Variants in CWH43 observed in about 807,000 individuals in gnomAD.
CWH43 encodes PGAP2-interacting protein.
In CWH43, 91 loss-of-function variants were observed where a neutral mutation model predicts 85.7. The observed-to-expected ratio is 1.06, with a 90% CI of 0.90 to 1.26. CWH43 has a LOEUF of 1.26. Among genes scored for constraint, CWH43 ranks in the 50% most tolerant of loss-of-function variants. The pLI is 0.00. For missense variants in CWH43, 869 were observed against 839.2 expected (o/e 1.04, Z -0.44); for synonymous variants, 323 against 293.6 (o/e 1.10, Z -1.02).
At chr4:49,036,091 G>A (rs1294184487) in intron 12 of CWH43, among the ~76,000 whole-genome samples, 2 of 152,216 alleles carry the variant, frequency 1.3e-5, no homozygotes, top group Non-Finnish European at 2.9e-5. Context: ...CCAGAGCCCA[G>A]TGAGACCCAG....
At chr4:48,991,683 T>G (rs1782664383) in intron 3 of CWH43, 109 bp downstream of exon 3, 25 of 1,277,660 alleles carry the variant, frequency 2.0e-5, no homozygotes, top group Non-Finnish European at 2.6e-5. Flanking sequence ...CATATGGCTT[T>G]GTCAAAGTCT....
chr4:48,992,110 A>T lies in CWH43; in HGVS notation c.511+20A>T, dbSNP rs750054924. ...GCACAGGTAATACTGTAACTTAGGA[A>T]TTTTCTCTTTGCAGAGCTTACCTTT... On this transcript the variant is annotated intron_variant, in intron 4 of 15. Transcript: ENST00000226432. This position sits in a 1 kb window ranked among gnomAD's most constrained non-coding sequence, Gnocchi z 4.3. 3 of 1,598,590 alleles carry T rather than the reference A, an allele frequency of 1.9e-6. No homozygotes were observed. In the South Asian group the frequency reaches 3.4e-5, roughly 18 times the overall value.
intron 8 of CWH43, among the ~76,000 whole-genome samples, chr4:49,012,406 T>TG (rs1713866990): frequency 6.6e-6 from 1 of 152,198 alleles, no homozygotes; most frequent in South Asian, 2.1e-4. Flanking sequence ...TTCCTTGCAA[T>TG]GGGTTAGAAC....
chr4:49,037,393 A>T (rs1577696305), intron 12 of CWH43, among the ~76,000 whole-genome samples: 1 of 152,134 alleles, frequency 6.6e-6, no homozygotes, highest in South Asian at 2.1e-4. Flanking sequence ...AACATGCAAA[A>T]TGCTGTCTCT....
rs1406001483 is a variant in CWH43 at position 48,991,434 on chromosome 4, T to C, written c.236-20T>C. The C allele has an allele frequency of 5.6e-6, 9 of 1,613,448 alleles. 1 individual carries two copies. The Admixed American group carries it at 1.5e-4, about 27-fold the overall frequency. ...TCCATACTTGCCAGAAATGCTTAGC[T>C]CTCCCTATTTTGTTTGTAGGCAGCA... On this transcript the variant is annotated intron_variant, in intron 2 of 15. Transcript: ENST00000226432.
At chr4:49,038,327 A>G in intron 13 of CWH43, 147 bp downstream of exon 13, 1 of 626,234 alleles carries the variant, frequency 1.6e-6, no homozygotes. Context: ...ATGTGAGCTT[A>G]AAACAACAGC....
intron 15 of CWH43, among the ~76,000 whole-genome samples, chr4:49,057,197 A>G (rs1235915218): frequency 2.0e-5 from 3 of 152,224 alleles, no homozygotes; most frequent in Non-Finnish European, 2.9e-5. Context: ...GGAGGTCCTG[A>G]CGACATGTGC....
At chr4:49,014,936 T>G (rs1783492682) in intron 8 of CWH43, among the ~76,000 whole-genome samples, 1 of 152,168 alleles carries the variant, frequency 6.6e-6, no homozygotes, top group African/African-American at 2.4e-5. Flanking sequence ...TTTGTACAGT[T>G]TAGGAGTTTT....
chr4:49,003,804 C>T lies in CWH43; in HGVS notation c.872C>T (p.Ala291Val). ...GCTGCTGTGTCTGGCTGTGTCTTCG[C>T]CATCTTTACTGCATCCATGTGGCCC... ...WAAAVSGCVFAIFTASMWPQT... is the reference protein window; with the variant it reads ...WAAAVSGCVFVIFTASMWPQT... Residue 291 changes from alanine (A) to valine (V), a missense_variant, in exon 7 of 16, where the codon GCC (alanine) becomes GTC (valine). Coordinates refer to ENST00000226432, the MANE Select transcript of CWH43 (RefSeq NM_025087.3). 1.2e-6 allele frequency: 2 copies of T among 1,614,004 alleles called. No individual in the cohort carries two copies. Among genetic ancestry groups the T allele is most frequent in the Non-Finnish European group, 1.7e-6 (2 of 1,179,926 alleles).
chr4:49,017,177 A>G, intron 8 of CWH43, 72 bp from the exon 9 acceptor site: 1 of 1,269,990 alleles, frequency 7.9e-7, no homozygotes, highest in Non-Finnish European at 1.1e-6. Flanking sequence ...GAGGCACTGA[A>G]GGTCAGTGTC....
At chr4:49,019,959 C>A (rs528549272) in intron 9 of CWH43, among the ~76,000 whole-genome samples, 1 of 152,058 alleles carries the variant, frequency 6.6e-6, no homozygotes, top group South Asian at 2.1e-4. Context: ...TTTTAGTGCA[C>A]CCGTCACCCA....
intron 14 of CWH43, among the ~76,000 whole-genome samples, chr4:49,049,796 C>T (rs756318577): frequency 5.3e-5 from 8 of 152,126 alleles, no homozygotes; most frequent in Non-Finnish European, 7.4e-5. Flanking sequence ...CAGAGGTATG[C>T]CCTGACCATC....
chr4:49,051,097 T>C (rs1191648270), intron 15 of CWH43, among the ~76,000 whole-genome samples: 1 of 152,192 alleles, frequency 6.6e-6, no homozygotes, highest in Non-Finnish European at 1.5e-5. Context: ...ATTATCATCA[T>C]GAACATCATC....
chr4:49,022,372 A>G (rs1034142141), intron 9 of CWH43, among the ~76,000 whole-genome samples: 1 of 152,084 alleles, frequency 6.6e-6, no homozygotes, highest in African/African-American at 2.4e-5. Context: ...CTGATGTTAA[A>G]CCATCCCTGC....
Position 49,030,926 on chromosome 4 carries a change from G to C in CWH43, c.1474G>C (p.Asp492His). ...WLGEKLGFYT[D>H]FGPSTRYHTW... ...AGGGGAAAAGTTGGGTTTCTATACA[G>C]ACTTTGGTCCAAGCACAAGGTATCA... Residue 492 changes from aspartate to histidine, a missense_variant, in exon 11 of 16, where the codon GAC (aspartate) becomes CAC (histidine). By Grantham distance (81) the Asp-to-His change is moderately conservative (BLOSUM62 -1). Transcript: ENST00000226432. 1.2e-6 allele frequency: 2 copies of C among 1,608,990 alleles called. No homozygotes were observed. Among genetic ancestry groups the C allele is most frequent in the East Asian group, 2.2e-5 (1 of 44,480 alleles).
chr4:48,996,408 C>CT (rs2109749983), intron 5 of CWH43, among the ~76,000 whole-genome samples: 1 of 152,192 alleles, frequency 6.6e-6, no homozygotes, highest in African/African-American at 2.4e-5. Flanking sequence ...TGTCTAGACA[C>CT]TAAGTCCCTT....
chr4:49,002,276 C>G (rs1783013667), intron 6 of CWH43, among the ~76,000 whole-genome samples: 1 of 152,074 alleles, frequency 6.6e-6, no homozygotes. Context: ...GTTTTAAAAG[C>G]TTGACATAGG....
At chr4:49,059,918 A>T (rs1785091819) in intron 15 of CWH43, among the ~76,000 whole-genome samples, 1 of 151,908 alleles carries the variant, frequency 6.6e-6, no homozygotes. Flanking sequence ...TGGTGCCTGG[A>T]TCCATTGGGA....
At chr4:49,030,068 C>T (rs1349586474) in intron 10 of CWH43, among the ~76,000 whole-genome samples, 1 of 152,158 alleles carries the variant, frequency 6.6e-6, no homozygotes, top group African/African-American at 2.4e-5. Context: ...CAAGAAATAC[C>T]CACAGGTGTG....
Sources: gnomAD v4.1 joint callset for allele counts (sites outside exome capture counted in the v4.1 genomes callset) on GRCh38, gnomAD v4.1.1 for gene constraint, Gnocchi (gnomAD v3.1) non-coding constraint, MANE v1.5 for transcripts, NCBI Gene and HGNC (gene_info 2026-07-23, HGNC 2026-07-21) for gene names.